The following CYP2J2 variants were observed in gnomAD, a reference collection of about 807,000 sequenced individuals.
CYP2J2 encodes cytochrome P450 family 2 subfamily J member 2.
CYP2J2 carries 41 observed loss-of-function variants against 48.8 expected under a neutral mutation model. The ratio of observed to expected loss-of-function variants is 0.84; its 90% CI spans 0.66 to 1.09. The LOEUF is 1.09. Among genes scored for constraint, CYP2J2 ranks in the 50% least tolerant of loss-of-function variants. The pLI, the probability that CYP2J2 is intolerant of heterozygous loss-of-function variation, is 0.00. For synonymous variants in CYP2J2, 221 were observed against 227.1 expected, an observed-to-expected ratio of 0.97 and a Z score of 0.24; for missense variants, 644 against 617.3, an observed-to-expected ratio of 1.04 and a Z score of -0.46.
the CYP2J2 span, among the ~76,000 whole-genome samples, chr1:59,954,190 A>C: frequency 6.6e-6 from 1 of 152,200 alleles, no homozygotes; most frequent in Admixed American, 6.5e-5. Context: ...TACGCAGCTC[A>C]TCTATGCAGT....
At chr1:59,923,886 A>C (rs1644538964) in intron 1 of CYP2J2, among the ~76,000 whole-genome samples, 1 of 152,188 alleles carries the variant, frequency 6.6e-6, no homozygotes, top group African/African-American at 2.4e-5. Flanking sequence ...GTAGTTGAAA[A>C]ATATTTGAAG....
Position 59,901,062 on chromosome 1 carries a change from G to T in CYP2J2, c.1233C>A (p.Asp411Glu). The part of the protein sequence containing the change: ...ILTNLTALHR[D>E]PTEWATPDTF... ...TGTCAGGGGTGGCCCACTCTGTGGGGTCCCTGTGCAGCGCCGTCAAATTGG... is the reference window on the plus strand; with the variant it reads ...TGTCAGGGGTGGCCCACTCTGTGGGTTCCCTGTGCAGCGCCGTCAAATTGG... The change falls in exon 8 of 9, where the codon GAC becomes GAA. Residue 411 changes from aspartate (D) to glutamate (E), a missense_variant. Transcript: ENST00000371204. 6.2e-7 allele frequency: 1 copy of T among 1,614,158 alleles called. No homozygotes were observed.
the CYP2J2 span, among the ~76,000 whole-genome samples, chr1:59,963,074 A>T: frequency 2.0e-5 from 3 of 152,216 alleles, no homozygotes; most frequent in East Asian, 3.8e-4. Flanking sequence ...CTCTATTGAG[A>T]TATAATTCAA....
At chr1:59,945,794 C>G in the CYP2J2 span, among the ~76,000 whole-genome samples, 3 of 152,208 alleles carry the variant, frequency 2.0e-5, no homozygotes, top group Non-Finnish European at 2.9e-5. Context: ...AAACTCCATC[C>G]TCTGGCTTCT....
the CYP2J2 span, among the ~76,000 whole-genome samples, chr1:59,933,740 A>C: frequency 1.3e-5 from 2 of 152,214 alleles, no homozygotes; most frequent in Non-Finnish European, 2.9e-5. Context: ...AAAAGACACA[A>C]ATAAATGGAA....
At chr1:59,941,203 G>T in the CYP2J2 span, among the ~76,000 whole-genome samples, 32 of 152,154 alleles carry the variant, frequency 2.1e-4, no homozygotes, top group African/African-American at 7.2e-4. Flanking sequence ...CCTGGCTTAG[G>T]TTATGTGCAG....
At chr1:59,922,612 C>G (rs1445883713) in intron 1 of CYP2J2, among the ~76,000 whole-genome samples, 3 of 151,986 alleles carry the variant, frequency 2.0e-5, no homozygotes, top group Non-Finnish European at 4.4e-5. Flanking sequence ...CATTTAACCC[C>G]TCTTTTAACA....
chr1:59,941,124 A>T, the CYP2J2 span, among the ~76,000 whole-genome samples: 3 of 152,220 alleles, frequency 2.0e-5, no homozygotes, highest in Non-Finnish European at 4.4e-5. Context: ...TCTGTGACAG[A>T]TTGAACTCTA....
chr1:59,903,091 C>T (rs982399658), intron 7 of CYP2J2, among the ~76,000 whole-genome samples: 2 of 152,186 alleles, frequency 1.3e-5, no homozygotes, highest in Non-Finnish European at 2.9e-5. Flanking sequence ...GGAATTTAGA[C>T]CTCAGCCTTT....
At position 59,909,734 on chromosome 1, in the gene CYP2J2, C is replaced by T. The variant is rs767468056; in HGVS notation, c.861+50G>A. 4.3e-6 allele frequency: 6 copies of T among 1,402,646 alleles called. No homozygotes were observed. In the South Asian group the frequency reaches 6.9e-5, roughly 16 times the overall value. 86.9% of individuals were successfully genotyped at this position (1,402,646 alleles called of 1,614,324 possible). ...CAGCAGCAGTTGGAAACTAATATACCTCTATTTGTGCTCTAAGAACAAAAT... is the reference window on the plus strand; with the variant it reads ...CAGCAGCAGTTGGAAACTAATATACTTCTATTTGTGCTCTAAGAACAAAAT... On this transcript the variant is annotated intron_variant, in intron 5 of 8. Transcript: ENST00000371204.
chr1:59,953,090 T>C, the CYP2J2 span, among the ~76,000 whole-genome samples: 1 of 152,188 alleles, frequency 6.6e-6, no homozygotes. Context: ...TTAGTAGCTC[T>C]TCCAAGTGTG....
Position 59,909,969 on chromosome 1 carries a change from G to A in CYP2J2, c.685-9C>T, listed in dbSNP as rs1470560447. 2 of 1,590,144 alleles carry A rather than the reference G, an allele frequency of 1.3e-6. No homozygotes were observed. The highest frequency in any genetic ancestry group is 1.7e-6 in the Non-Finnish European group (2 of 1,171,962). On this transcript the variant is annotated splice_polypyrimidine_tract_variant and intron_variant, in intron 4 of 8. Transcript: ENST00000371204. ...GGAAAGACATTGTAGAGCTAATTGA[G>A]AAAAACAAAACAATCATGCAGATAA...
the CYP2J2 span, among the ~76,000 whole-genome samples, chr1:59,940,758 GTAGA>G: frequency 1.1e-4 from 16 of 152,254 alleles, no homozygotes; most frequent in South Asian, 2.7e-3. Flanking sequence ...CAATAGATTA[GTAGA>G]TAAAGAAAAT....
At chr1:59,935,030 A>ATATATATG in the CYP2J2 span, among the ~76,000 whole-genome samples, 1 of 110,618 alleles carries the variant, frequency 9.0e-6, no homozygotes, top group Non-Finnish European at 1.9e-5. Flanking sequence ...ATATATATAT[A>ATATATATG]TATATATATA....
the CYP2J2 span, among the ~76,000 whole-genome samples, chr1:59,937,332 T>C: frequency 2.0e-5 from 3 of 152,312 alleles, no homozygotes; most frequent in East Asian, 3.9e-4. Context: ...AATCTGGTAA[T>C]AATGGCTATG....
At chr1:59,939,188 G>A in the CYP2J2 span, among the ~76,000 whole-genome samples, 1 of 152,132 alleles carries the variant, frequency 6.6e-6, no homozygotes, top group Admixed American at 6.5e-5. Context: ...GGTATTTATT[G>A]TAGTCTTCAC....
chr1:59,955,301 TATATCCATATATATC>T, the CYP2J2 span, among the ~76,000 whole-genome samples: 1 of 143,022 alleles, frequency 7.0e-6, no homozygotes, highest in East Asian at 2.0e-4. Context: ...TCCATATATA[TATATCCATATATATC>T]CATATATATA....
chr1:59,899,805 G>C (rs1282398550), intron 8 of CYP2J2, among the ~76,000 whole-genome samples: 3 of 152,082 alleles, frequency 2.0e-5, no homozygotes, highest in Non-Finnish European at 4.4e-5. Flanking sequence ...GAGCAGTTTT[G>C]TTTTGTTTTG....
the CYP2J2 span, among the ~76,000 whole-genome samples, chr1:59,935,722 A>G: frequency 1.3e-5 from 2 of 152,236 alleles, no homozygotes; most frequent in African/African-American, 4.8e-5. Context: ...ATGGGTAGAA[A>G]GACTCAATAT....
Sources: gnomAD v4.1 joint callset for allele counts (sites outside exome capture counted in the v4.1 genomes callset) on GRCh38, gnomAD v4.1.1 for gene constraint, MANE v1.5 for transcripts, NCBI Gene and HGNC (gene_info 2026-07-23, HGNC 2026-07-21) for gene names.